DENND2C: variants seen among roughly 807,000 people sequenced by gnomAD.
DENND2C encodes the protein DENN domain containing 2C, also known as DENN domain-containing protein 2C.
A neutral mutation model predicts 112.4 loss-of-function variants in DENND2C; 72 were observed. The ratio of observed to expected loss-of-function variants is 0.64; its 90% CI spans 0.53 to 0.78. The LOEUF is 0.78. Ranked by LOEUF, DENND2C falls within the 30% of genes least tolerant of loss-of-function variation. The probability of loss-of-function intolerance (pLI) is 0.00; values close to 1 mark genes in which losing one functional copy is unlikely to be tolerated. For synonymous variants in DENND2C, 329 were observed against 381.6 expected (o/e 0.86, Z 1.61); for missense variants, 992 against 1,113.8 (o/e 0.89, Z 1.56).
chr1:114,622,091 A>G, intron 6 of DENND2C, 26 bp from the exon 7 acceptor site: 1 of 1,500,020 alleles, frequency 6.7e-7, no homozygotes, highest in Non-Finnish European at 8.9e-7. Flanking sequence ...ATGTACTGGT[A>G]AGATCACCTA....
chr1:114,668,739 C>G (rs1180574252), intron 1 of DENND2C, among the ~76,000 whole-genome samples: 1 of 152,004 alleles, frequency 6.6e-6, no homozygotes, highest in Non-Finnish European at 1.5e-5. Context: ...AGAACAAAAA[C>G]GTCTATAATA....
At chr1:114,603,494 T>C (rs944713788) in intron 11 of DENND2C, among the ~76,000 whole-genome samples, 3 of 151,526 alleles carry the variant, frequency 2.0e-5, no homozygotes, top group East Asian at 3.9e-4. Flanking sequence ...TCTGAAGACA[T>C]ATTTATTATC....
At chr1:114,602,215 T>TA (rs772197631) in intron 11 of DENND2C, 21 bp from the exon 12 acceptor site, 3 of 1,611,804 alleles carry the variant, frequency 1.9e-6, no homozygotes, top group Admixed American at 3.3e-5. Context: ...AGCCAATAGT[T>TA]AGTTTAGGAT....
intron 1 of DENND2C, among the ~76,000 whole-genome samples, chr1:114,663,855 A>AC (rs1657571234): frequency 1.3e-5 from 2 of 152,104 alleles, no homozygotes; most frequent in Admixed American, 1.3e-4. Flanking sequence ...TATGACAGAG[A>AC]CCGTATGGCA....
intron 16 of DENND2C, among the ~76,000 whole-genome samples, chr1:114,596,750 GTT>G (rs146259593): frequency 4.6e-5 from 7 of 151,748 alleles, no homozygotes; most frequent in Admixed American, 2.6e-4. Flanking sequence ...AAAATAAAAA[GTT>G]TTTTTTTAAA....
At chr1:114,644,664 C>T (rs1656930057) in intron 3 of DENND2C, among the ~76,000 whole-genome samples, 1 of 152,314 alleles carries the variant, frequency 6.6e-6, no homozygotes, top group Admixed American at 6.5e-5. Flanking sequence ...TGCATAATCT[C>T]ATTCTATCCT....
intron 16 of DENND2C, among the ~76,000 whole-genome samples, chr1:114,597,560 T>C (rs2101645643): frequency 6.6e-6 from 1 of 152,084 alleles, no homozygotes; most frequent in Non-Finnish European, 1.5e-5. Flanking sequence ...AGAAGGCAGA[T>C]CACTTGAGGT....
Position 114,623,542 on chromosome 1 carries a change from G to A in DENND2C, c.908C>T (p.Thr303Ile), listed in dbSNP as rs1225852026. 3.7e-6 allele frequency: 6 copies of A among 1,610,124 alleles called. No homozygotes were observed. In the South Asian group the frequency reaches 6.6e-5, roughly 18 times the overall value. Residue 303 changes from threonine to isoleucine, a missense_variant, in exon 5 of 21, where the codon ACA (threonine) becomes ATA (isoleucine). By Grantham distance (89) the Thr-to-Ile change is moderately conservative. Coordinates refer to ENST00000393274, the MANE Select transcript of DENND2C (RefSeq NM_001256404.2). ...GRNSGSALYY[T>I]QSEDNIYEDI... is the part of the protein sequence containing the mutation. ...TTCATAGATATTGTCCTCAGACTGT[G>A]TGTAATAAAGTGCTGACCCAGAATT...
At chr1:114,601,606 C>CA in intron 12 of DENND2C, 21 bp from the exon 13 acceptor site, 1 of 1,589,930 alleles carries the variant, frequency 6.3e-7, no homozygotes, top group Non-Finnish European at 8.6e-7. Flanking sequence ...AAAACAACAA[C>CA]AACAAAAAAA....
At chr1:114,643,106 G>T (rs1274533817) in intron 3 of DENND2C, among the ~76,000 whole-genome samples, 1 of 152,150 alleles carries the variant, frequency 6.6e-6, no homozygotes, top group Non-Finnish European at 1.5e-5. Context: ...GAAAGTCAGG[G>T]ATAAGACTGA....
At chr1:114,593,853 C>T (rs1655263840) in intron 18 of DENND2C, among the ~76,000 whole-genome samples, 1 of 152,250 alleles carries the variant, frequency 6.6e-6, no homozygotes, top group South Asian at 2.1e-4. Flanking sequence ...ATAGCCTTTT[C>T]TCATCTGTAA....
At chr1:114,630,768 T>G (rs1656468307) in intron 3 of DENND2C, among the ~76,000 whole-genome samples, 1 of 152,190 alleles carries the variant, frequency 6.6e-6, no homozygotes, top group Non-Finnish European at 1.5e-5. Context: ...TAATACTACA[T>G]GAGGCTAGAC....
intron 11 of DENND2C, among the ~76,000 whole-genome samples, chr1:114,604,675 T>G (rs1655609405): frequency 6.8e-6 from 1 of 148,030 alleles, no homozygotes; most frequent in East Asian, 2.0e-4. Flanking sequence ...TTTTTTTTTG[T>G]AGAACTGGCA....
chr1:114,668,999 A>G (rs1316871259), intron 1 of DENND2C, among the ~76,000 whole-genome samples: 2 of 152,236 alleles, frequency 1.3e-5, no homozygotes, highest in Non-Finnish European at 2.9e-5. Flanking sequence ...GTGCTATTCT[A>G]GAAAATTTCA....
intron 20 of DENND2C, among the ~76,000 whole-genome samples, chr1:114,585,934 A>ATTT (rs1206771258): frequency 1.3e-5 from 2 of 151,906 alleles, no homozygotes; most frequent in Non-Finnish European, 2.9e-5. Context: ...CCAGGGGAAA[A>ATTT]TTTTTTTTAA....
chr1:114,606,556 C>T (rs1655662245), intron 10 of DENND2C, among the ~76,000 whole-genome samples: 1 of 152,188 alleles, frequency 6.6e-6, no homozygotes, highest in Non-Finnish European at 1.5e-5. Flanking sequence ...AAAGGGATCA[C>T]TCCTTACTAA....
rs1655460153 is a variant in DENND2C at position 114,600,206 on chromosome 1, T to C, written c.2103A>G (p.Leu701=). 6.2e-7 allele frequency: 1 copy of C among 1,613,932 alleles called. No homozygotes were observed. Among genetic ancestry groups the C allele is most frequent in the Non-Finnish European group, 8.5e-7 (1 of 1,179,930 alleles). Residue 701 remains leucine, a splice_region_variant and synonymous_variant, in exon 15 of 21, where the codon CTA becomes CTG. Coordinates refer to ENST00000393274, the MANE Select transcript of DENND2C (RefSeq NM_001256404.2). The part of the protein sequence containing the change: ...ERRVIFVANS[L]STLSKCGHAV... Reference sequence around the variant, plus strand: ...AACATATTTCACTTATTTCTTACCTTAGGCTGTTGGCAACAAAGATTACCC... The same window carrying C: ...AACATATTTCACTTATTTCTTACCTCAGGCTGTTGGCAACAAAGATTACCC...
At chr1:114,663,048 T>A (rs1203010016) in intron 1 of DENND2C, among the ~76,000 whole-genome samples, 1 of 152,174 alleles carries the variant, frequency 6.6e-6, no homozygotes, top group Non-Finnish European at 1.5e-5. Flanking sequence ...TGTGAAAAAG[T>A]CAGTCCTTTA....
intron 10 of DENND2C, among the ~76,000 whole-genome samples, chr1:114,606,228 A>G (rs1405545715): frequency 6.6e-6 from 1 of 152,230 alleles, no homozygotes; most frequent in African/African-American, 2.4e-5. Context: ...AATTTCTTAA[A>G]AAAAAACAAA....
Sources: allele counts gnomAD v4.1 joint callset (sites outside exome capture counted in the v4.1 genomes callset), GRCh38; gene constraint gnomAD v4.1.1; transcripts MANE v1.5; gene names NCBI Gene and HGNC (gene_info 2026-07-23, HGNC 2026-07-21).